MATN2: variants seen among roughly 807,000 people sequenced by gnomAD.
MATN2 encodes the protein matrilin-2.
A neutral mutation model predicts 103.2 loss-of-function variants in MATN2; 69 were observed. That is an observed-to-expected ratio of 0.67 (90% CI 0.55 to 0.82). The LOEUF (loss-of-function observed/expected upper bound fraction) is 0.82, where lower values mean the gene tolerates loss of function less well. Ranked by LOEUF, MATN2 falls within the 40% of genes least tolerant of loss-of-function variation. The pLI is 0.00. For synonymous variants in MATN2, 429 were observed against 450.2 expected (o/e 0.95, Z 0.60); for missense variants, 1,023 against 1,211.5 (o/e 0.84, Z 2.31).
intron 3 of MATN2, among the ~76,000 whole-genome samples, chr8:97,933,620 A>G (rs1005318791): frequency 6.6e-6 from 1 of 150,444 alleles, no homozygotes; most frequent in Non-Finnish European, 1.5e-5. Context: ...CAAGGCAGCA[A>G]AATGAAAAGG....
chr8:97,968,641 A>G (rs984281777), intron 5 of MATN2, among the ~76,000 whole-genome samples: 5 of 152,322 alleles, frequency 3.3e-5, no homozygotes, highest in African/African-American at 1.2e-4. Context: ...AGAATTGGTG[A>G]CCTTTACTCC....
intron 1 of MATN2, among the ~76,000 whole-genome samples, chr8:97,880,706 C>T (rs1198058444): frequency 6.6e-6 from 1 of 152,174 alleles, no homozygotes; most frequent in African/African-American, 2.4e-5. Context: ...TGATGCACAC[C>T]TAAATAATAA....
rs59472539 is a variant in MATN2 at position 97,945,717 on chromosome 8, A to AAATATATATAT, written c.835+3819_835+3820insATATATATATA. On this transcript the variant is annotated intron_variant, in intron 4 of 18. Transcript: ENST00000254898. ...CATACACACTATAGAAAAAAAAAAA[A>AAATATATATAT]ATATATATATATATATATAATCTCC... Among the ~76,000 whole-genome samples the AAATATATATAT allele has an allele frequency of 1.8e-3, 219 of 121,792 alleles. 2 individuals are homozygous for AAATATATATAT. Among genetic ancestry groups the AAATATATATAT allele is most frequent in the South Asian group, 7.6e-3 (25 of 3,294 alleles). 79.9% of individuals were successfully genotyped at this position (121,792 alleles called of 152,430 possible). A position where few individuals can be genotyped will look rare whatever the true frequency, so the allele number is the denominator to read the frequency against.
rs117823016 is a variant in MATN2 at position 97,983,844 on chromosome 8, G to A, written c.1081+4836G>A. On this transcript the variant is annotated intron_variant, in intron 6 of 18. Coordinates refer to ENST00000254898, the MANE Select transcript of MATN2 (RefSeq NM_002380.5). ...GTAAACTTTTTAAAGTAGAGATGGG[G>A]TCTGCTATGTTGCTCAGGTTGGACT... Among the ~76,000 whole-genome samples the A allele has an allele frequency of 6.4e-3, 974 of 152,292 alleles. 5 individuals are homozygous for A. The highest frequency in any genetic ancestry group is 9.3e-3 in the Non-Finnish European group (630 of 68,022).
At chr8:97,928,904 A>G (rs1156589994) in intron 2 of MATN2, among the ~76,000 whole-genome samples, 2 of 152,192 alleles carry the variant, frequency 1.3e-5, no homozygotes, top group Non-Finnish European at 2.9e-5. Context: ...CATCTATGCA[A>G]TGGGTATGAT....
intron 2 of MATN2, among the ~76,000 whole-genome samples, chr8:97,891,944 T>TA (rs1818647573): frequency 6.7e-6 from 1 of 150,360 alleles, no homozygotes; most frequent in Non-Finnish European, 1.5e-5. Flanking sequence ...TCTACAAAAA[T>TA]AAAAAAATGA....
chr8:98,007,469 G>A lies in MATN2; in HGVS notation c.1451-10G>A. ...ACTGATAAAGGGCTGCCTGGCTTTT[G>A]GTTTTGCAGGGGTGGATTACTGCCT... On this transcript the variant is annotated splice_polypyrimidine_tract_variant and intron_variant, in intron 9 of 18. Transcript: ENST00000254898. The surrounding 1 kb of genome is among the most constrained non-coding windows in gnomAD (Gnocchi z 4.2). 6.2e-7 allele frequency: 1 copy of A among 1,608,382 alleles called. No individual in the cohort carries two copies. Among genetic ancestry groups the A allele is most frequent in the Non-Finnish European group, 8.5e-7 (1 of 1,175,106 alleles).
chr8:98,030,419 C>A, intron 14 of MATN2, 43 bp from the exon 15 acceptor site: 1 of 1,569,144 alleles, frequency 6.4e-7, no homozygotes, highest in Non-Finnish European at 8.7e-7. Flanking sequence ...CCCCTGGGAA[C>A]ACAACTCTAA....
chr8:97,928,877 C>T (rs549777771), intron 2 of MATN2, among the ~76,000 whole-genome samples: 1 of 152,336 alleles, frequency 6.6e-6, no homozygotes, highest in East Asian at 1.9e-4. Flanking sequence ...TTCAAACTCT[C>T]AGTGCTCCCA....
intron 2 of MATN2, among the ~76,000 whole-genome samples, chr8:97,891,066 T>A (rs1409787357): frequency 6.6e-6 from 1 of 152,184 alleles, no homozygotes; most frequent in African/African-American, 2.4e-5. Flanking sequence ...CCTCATTCAT[T>A]TATCTGGAAT....
rs1814258086 is a variant in MATN2, at chr8:98,036,610, C to T, written c.*898C>T. 6.6e-6 allele frequency: 1 copy of T among 152,294 alleles called. No individual in the cohort carries two copies. The highest frequency in any genetic ancestry group is 2.4e-5 in the African/African-American group (1 of 41,570). 9.4% of individuals were successfully genotyped at this position (152,294 alleles called of 1,614,324 possible). On this transcript the variant is annotated 3_prime_UTR_variant, in exon 19 of 19. Transcript: ENST00000254898. ...AGCAAAAAATAAGGAACAACTTAAACATCATCAGAAGGGGAACTGATAAAC... is the reference window on the plus strand; with the variant it reads ...AGCAAAAAATAAGGAACAACTTAAATATCATCAGAAGGGGAACTGATAAAC...
At chr8:97,944,892 A>G (rs1228054824) in intron 4 of MATN2, among the ~76,000 whole-genome samples, 1 of 152,148 alleles carries the variant, frequency 6.6e-6, no homozygotes, top group Non-Finnish European at 1.5e-5. Context: ...CCCAGATGAA[A>G]AGCCATGTGG....
intron 7 of MATN2, 62 bp from the exon 8 acceptor site, chr8:98,003,599 G>A (rs1563719724): frequency 1.2e-6 from 2 of 1,602,722 alleles, no homozygotes; most frequent in East Asian, 4.5e-5. Flanking sequence ...GCCCCGAGGG[G>A]CTGCCATCAG....
At chr8:97,889,459 C>A (rs867289010) in intron 2 of MATN2, among the ~76,000 whole-genome samples, 56 of 123,376 alleles carry the variant, frequency 4.5e-4, no homozygotes, top group South Asian at 1.2e-3. Context: ...CTCTCTCTGT[C>A]TATATATATA....
chr8:97,913,525 G>A (rs1809521056), intron 2 of MATN2, among the ~76,000 whole-genome samples: 1 of 152,030 alleles, frequency 6.6e-6, no homozygotes, highest in Non-Finnish European at 1.5e-5. Context: ...ATGTTGGCCA[G>A]GCTGGTCTTG....
intron 15 of MATN2, 59 bp downstream of exon 15, chr8:98,030,673 T>A: frequency 6.5e-7 from 1 of 1,547,566 alleles, no homozygotes; most frequent in Non-Finnish European, 8.8e-7. Context: ...CCTTTTTTTT[T>A]GTTTTTTGAG....
rs2130390764 is a variant in MATN2 at position 98,007,961 on chromosome 8, G to A, written c.1573+360G>A. Among the ~76,000 whole-genome samples the A allele has an allele frequency of 6.6e-6, 1 of 152,272 alleles. No homozygotes were observed. Among genetic ancestry groups the A allele is most frequent in the South Asian group, 2.1e-4 (1 of 4,820 alleles). ...GACTGCTAGCTGCATGCTGGGCACT[G>A]TGCTAAGCACACATGCTGTTGCATT... On this transcript the variant is annotated intron_variant, in intron 10 of 18. Transcript: ENST00000254898. The surrounding 1 kb of genome is among the most constrained non-coding windows in gnomAD (Gnocchi z 4.2).
intron 5 of MATN2, among the ~76,000 whole-genome samples, chr8:97,969,783 T>C (rs1305676546): frequency 6.6e-6 from 1 of 152,186 alleles, no homozygotes; most frequent in Non-Finnish European, 1.5e-5. Context: ...CCAGGGACTT[T>C]GCTAGGCTTG....
chr8:98,032,888 C>T (rs1814094173), intron 16 of MATN2, among the ~76,000 whole-genome samples, 154 bp from the exon 17 acceptor site: 1 of 151,846 alleles, frequency 6.6e-6, no homozygotes, highest in Non-Finnish European at 1.5e-5. Context: ...AAGATGTTTA[C>T]TCCACTGAAG....
Sources: allele counts gnomAD v4.1 joint callset (sites outside exome capture counted in the v4.1 genomes callset), GRCh38; gene constraint gnomAD v4.1.1; non-coding constraint Gnocchi (gnomAD v3.1); transcripts MANE v1.5; gene names NCBI Gene and HGNC (gene_info 2026-07-23, HGNC 2026-07-21).